Variants in CACNA1D observed in about 807,000 individuals in gnomAD.
CACNA1D encodes the protein voltage-dependent L-type calcium channel subunit alpha-1D.
A neutral mutation model predicts 257.1 loss-of-function variants in CACNA1D; 55 were observed. The ratio of observed to expected loss-of-function variants is 0.21; its 90% CI spans 0.17 to 0.27. The LOEUF (loss-of-function observed/expected upper bound fraction) is 0.27, where lower values mean the gene tolerates loss of function less well. Ranked by LOEUF, CACNA1D falls within the 10% of genes least tolerant of loss-of-function variation. CACNA1D has a pLI of 1.00. For missense variants in CACNA1D, 1,876 were observed against 2,784.0 expected, an observed-to-expected ratio of 0.67 and a Z score of 7.34; for synonymous variants, 980 against 1,014.9, an observed-to-expected ratio of 0.97 and a Z score of 0.65.
intron 45 of CACNA1D, among the ~76,000 whole-genome samples, chr3:53,805,641 C>T (rs2095558657): frequency 6.6e-6 from 1 of 152,080 alleles, no homozygotes; most frequent in African/African-American, 2.4e-5. Context: ...TTCTGGTGTC[C>T]ATCTGTCCTC....
intron 40 of CACNA1D, among the ~76,000 whole-genome samples, chr3:53,799,617 G>A (rs1345604221): frequency 2.0e-5 from 3 of 152,230 alleles, no homozygotes; most frequent in African/African-American, 7.2e-5. Flanking sequence ...CAGGCTACAG[G>A]CCAGGGTATC....
At chr3:53,805,652 A>G (rs1407017730) in intron 45 of CACNA1D, among the ~76,000 whole-genome samples, 1 of 151,764 alleles carries the variant, frequency 6.6e-6, no homozygotes, top group Non-Finnish European at 1.5e-5. Flanking sequence ...ATCTGTCCTC[A>G]GGCCCCTCCA....
intron 3 of CACNA1D, among the ~76,000 whole-genome samples, chr3:53,616,113 C>T (rs939558058): frequency 6.6e-6 from 1 of 152,138 alleles, no homozygotes; most frequent in Middle Eastern, 3.2e-3. Flanking sequence ...AGTGACCCTG[C>T]AGGGTGAGGG....
intron 3 of CACNA1D, among the ~76,000 whole-genome samples, chr3:53,551,991 C>T (rs1186065025): frequency 6.6e-6 from 1 of 152,162 alleles, no homozygotes; most frequent in African/African-American, 2.4e-5. Context: ...TCAGTCTTGT[C>T]TTTGCCCTGA....
intron 29 of CACNA1D, among the ~76,000 whole-genome samples, chr3:53,756,429 G>C (rs1247363255): frequency 1.3e-5 from 2 of 152,208 alleles, no homozygotes; most frequent in African/African-American, 4.8e-5. Flanking sequence ...TCTCACCTCA[G>C]GGGAGGAGGC....
At chr3:53,690,259 C>T (rs1263247055) in intron 8 of CACNA1D, among the ~76,000 whole-genome samples, 1 of 152,202 alleles carries the variant, frequency 6.6e-6, no homozygotes, top group Non-Finnish European at 1.5e-5. Flanking sequence ...GGTCTGTGCT[C>T]GTACATCCTC....
intron 4 of CACNA1D, among the ~76,000 whole-genome samples, chr3:53,658,931 A>G (rs2094175285): frequency 2.0e-5 from 3 of 152,292 alleles, no homozygotes; most frequent in South Asian, 2.1e-4. Flanking sequence ...CTACACAACT[A>G]TACCCAATCA....
At chr3:53,520,765 C>CA (rs77368050) in intron 3 of CACNA1D, among the ~76,000 whole-genome samples, 158 of 147,300 alleles carry the variant, frequency 1.1e-3, no homozygotes, top group African/African-American at 1.5e-3. Flanking sequence ...GACTCAATCT[C>CA]AAAAAAAAAA....
chr3:53,696,795 G>T (rs1315994278), intron 8 of CACNA1D, among the ~76,000 whole-genome samples: 3 of 152,118 alleles, frequency 2.0e-5, no homozygotes, highest in Non-Finnish European at 4.4e-5. Flanking sequence ...TTATAGGATG[G>T]GTGAATAAGG....
chr3:53,569,547 G>A (rs1269249394), intron 3 of CACNA1D, among the ~76,000 whole-genome samples: 1 of 152,208 alleles, frequency 6.6e-6, no homozygotes, highest in Admixed American at 6.5e-5. Flanking sequence ...GGAGATTCTA[G>A]TAATTCGCTG....
At chr3:53,635,224 G>T (rs1361103889) in intron 3 of CACNA1D, among the ~76,000 whole-genome samples, 2 of 152,152 alleles carry the variant, frequency 1.3e-5, no homozygotes, top group African/African-American at 4.8e-5. Context: ...CCTGCTGGAG[G>T]ACACATGTGA....
chr3:53,798,971 A>T (rs948656700), intron 40 of CACNA1D, among the ~76,000 whole-genome samples: 10 of 152,164 alleles, frequency 6.6e-5, no homozygotes, highest in African/African-American at 2.4e-4. Flanking sequence ...GGTGTTGTGG[A>T]GGAAGGACAG....
At chr3:53,629,997 A>T (rs912264293) in intron 3 of CACNA1D, among the ~76,000 whole-genome samples, 1 of 151,948 alleles carries the variant, frequency 6.6e-6, no homozygotes, top group African/African-American at 2.4e-5. Flanking sequence ...AGCCCTGATG[A>T]CTCTCACTGG....
chr3:53,593,426 A>G (rs1187341496), intron 3 of CACNA1D, among the ~76,000 whole-genome samples: 1 of 152,230 alleles, frequency 6.6e-6, no homozygotes. Context: ...GTGGAATTAA[A>G]TAACTCCCCC....
chr3:53,496,631 G>A (rs916531458), intron 1 of CACNA1D, among the ~76,000 whole-genome samples: 2 of 152,046 alleles, frequency 1.3e-5, no homozygotes, highest in Non-Finnish European at 2.9e-5. Flanking sequence ...TTTTTTTTCG[G>A]TACTGAAAAA....
rs139366887 is a variant in CACNA1D, at chr3:53,684,227, A to G, written c.1220+11101A>G. Among the ~76,000 whole-genome samples, 727 of 152,320 alleles carry G rather than the reference A, an allele frequency of 4.8e-3. 8 individuals carry two copies. The highest frequency in any genetic ancestry group is 0.017 in the African/African-American group (703 of 41,564). Reference sequence around the variant, plus strand: ...AACTTTCAGGTAAACAAAATCTAAGAATTGGTCACCAACAAATTTGCACTC... The same window carrying G: ...AACTTTCAGGTAAACAAAATCTAAGGATTGGTCACCAACAAATTTGCACTC... On this transcript the variant is annotated intron_variant, in intron 8 of 47. Transcript: ENST00000350061.
Position 53,666,505 on chromosome 3 carries a change from C to A in CACNA1D, c.1086C>A (p.Thr362=). 6.2e-7 allele frequency: 1 copy of A among 1,614,140 alleles called. No individual in the cohort carries two copies. Among genetic ancestry groups the A allele is most frequent in the Non-Finnish European group, 8.5e-7 (1 of 1,179,974 alleles). ...TGCTTACTGTGTTTCAGTGCATCAC[C>A]ATGGAGGGCTGGACAGATGTGCTCT... is the stretch of plus-strand genomic sequence containing the variant. The part of the protein sequence containing the change: ...FAMLTVFQCI[T]MEGWTDVLYW... The change falls in exon 7 of 48, where the codon ACC becomes ACA. Residue 362 remains threonine, a synonymous_variant. Transcript: ENST00000350061.
intron 8 of CACNA1D, among the ~76,000 whole-genome samples, chr3:53,699,149 A>C (rs543731632): frequency 9.2e-4 from 140 of 152,302 alleles, no homozygotes; most frequent in African/African-American, 3.2e-3. Context: ...TCAACTGAGC[A>C]GATAGTGTAC....
intron 8 of CACNA1D, among the ~76,000 whole-genome samples, chr3:53,686,481 A>G (rs926347806): frequency 1.3e-5 from 2 of 152,102 alleles, no homozygotes; most frequent in African/African-American, 4.8e-5. Context: ...GAAAGGAATA[A>G]TATCTCATGG....
Sources: gnomAD v4.1 joint callset for allele counts (sites outside exome capture counted in the v4.1 genomes callset) on GRCh38, gnomAD v4.1.1 for gene constraint, MANE v1.5 for transcripts, NCBI Gene and HGNC (gene_info 2026-07-23, HGNC 2026-07-21) for gene names.